Variants in NTM observed in about 807,000 individuals in gnomAD.
NTM encodes IgLON family member 2.
NTM carries 13 observed loss-of-function variants against 42.1 expected under a neutral mutation model. The ratio of observed to expected loss-of-function variants is 0.31; its 90% CI spans 0.20 to 0.49. The LOEUF is 0.49. Among genes scored for constraint, NTM ranks in the 20% least tolerant of loss-of-function variants. The probability of loss-of-function intolerance (pLI) is 0.99; values close to 1 mark genes in which losing one functional copy is unlikely to be tolerated. For synonymous variants in NTM, 187 were observed against 179.2 expected, an observed-to-expected ratio of 1.04 and a Z score of -0.35; for missense variants, 373 against 452.8, an observed-to-expected ratio of 0.82 and a Z score of 1.60.
chr11:132,151,027 A>C (rs2071781781), intron 3 of NTM, among the ~76,000 whole-genome samples: 1 of 152,164 alleles, frequency 6.6e-6, no homozygotes, highest in Non-Finnish European at 1.5e-5. Flanking sequence ...AAAATTTATT[A>C]ACATTTAGGT....
rs759055171 is a variant in NTM at position 132,191,034 on chromosome 11, A to G, written c.401-20988A>G. On this transcript the variant is annotated intron_variant, in intron 3 of 8. Coordinates refer to ENST00000683400, the MANE Select transcript of NTM (RefSeq NM_001352005.2). ...TGCAAACAGTAAAAACAGGAAGACC[A>G]CAGATGTAGTAAGAGTAGAATAGAC... Among the ~76,000 whole-genome samples, 71 of 152,298 alleles carry G rather than the reference A, an allele frequency of 4.7e-4. 1 individual carries two copies. The highest frequency in any genetic ancestry group is 3.1e-3 in the Admixed American group (47 of 15,290).
At chr11:131,619,862 T>C (rs2062345645) in intron 1 of NTM, among the ~76,000 whole-genome samples, 1 of 151,646 alleles carries the variant, frequency 6.6e-6, no homozygotes, top group African/African-American at 2.4e-5. Flanking sequence ...TGGAGTGCAG[T>C]AGCATGATCT....
intron 2 of NTM, among the ~76,000 whole-genome samples, chr11:131,938,952 T>C (rs2059515725): frequency 6.6e-6 from 1 of 152,092 alleles, no homozygotes; most frequent in African/African-American, 2.4e-5. Flanking sequence ...AGAGGACCCT[T>C]AGATACACTA....
At chr11:132,307,072 G>A (rs1388721642) in intron 4 of NTM, among the ~76,000 whole-genome samples, 1 of 152,152 alleles carries the variant, frequency 6.6e-6, no homozygotes, top group Non-Finnish European at 1.5e-5. Flanking sequence ...TCCCATTGCT[G>A]GTCTGTCTTT....
chr11:131,932,830 T>C (rs2058779648), intron 2 of NTM, among the ~76,000 whole-genome samples: 1 of 152,222 alleles, frequency 6.6e-6, no homozygotes, highest in African/African-American at 2.4e-5. Flanking sequence ...GGGGCATCTT[T>C]TAGGCCAAGG....
chr11:131,724,941 A>T (rs1439630646), intron 1 of NTM, among the ~76,000 whole-genome samples: 2 of 152,110 alleles, frequency 1.3e-5, no homozygotes, highest in Admixed American at 6.5e-5. Flanking sequence ...GAGTCAGGGG[A>T]GTGAGGGGCT....
At chr11:132,221,938 C>CT (rs1335575848) in intron 4 of NTM, among the ~76,000 whole-genome samples, 1 of 152,120 alleles carries the variant, frequency 6.6e-6, no homozygotes, top group Non-Finnish European at 1.5e-5. Context: ...TAGCCCACTG[C>CT]TTCATCTTGC....
At chr11:131,490,235 C>G (rs570119279) in intron 1 of NTM, among the ~76,000 whole-genome samples, 1 of 152,168 alleles carries the variant, frequency 6.6e-6, no homozygotes, top group African/African-American at 2.4e-5. Context: ...CAACATGAGG[C>G]GTGGTGGGGC....
intron 1 of NTM, among the ~76,000 whole-genome samples, chr11:131,510,664 C>T (rs1485750247): frequency 6.6e-6 from 1 of 152,204 alleles, no homozygotes; most frequent in African/African-American, 2.4e-5. Context: ...TTTATGACCA[C>T]TAGACGTTTA....
chr11:131,626,619 G>A (rs1222878202), intron 1 of NTM, among the ~76,000 whole-genome samples: 3 of 152,112 alleles, frequency 2.0e-5, no homozygotes, highest in Non-Finnish European at 4.4e-5. Context: ...GGACGTGATG[G>A]GCAAAAGGGG....
chr11:131,708,701 T>C (rs1334403414), intron 1 of NTM, among the ~76,000 whole-genome samples: 1 of 152,214 alleles, frequency 6.6e-6, no homozygotes, highest in African/African-American at 2.4e-5. Flanking sequence ...CATTTATTCA[T>C]GAAAAATATA....
chr11:131,476,585 G>C (rs1008747091), intron 1 of NTM, among the ~76,000 whole-genome samples: 1 of 152,180 alleles, frequency 6.6e-6, no homozygotes, highest in African/African-American at 2.4e-5. Flanking sequence ...CCTGTGATGA[G>C]AGGGGTTTAT....
chr11:131,431,795 A>G (rs2512649), intron 1 of NTM, among the ~76,000 whole-genome samples: 148,573 of 152,166 alleles, frequency 0.98, 72,556 homozygotes, highest in East Asian at 1. Flanking sequence ...TCCTAATGTC[A>G]CAGCCACTGG....
intron 1 of NTM, among the ~76,000 whole-genome samples, chr11:131,433,974 G>A (rs1460331604): frequency 1.3e-5 from 2 of 152,112 alleles, no homozygotes; most frequent in Non-Finnish European, 2.9e-5. Context: ...TAGGCACCGG[G>A]GTGGTAGGTT....
At position 132,213,429 on chromosome 11, in the gene NTM, C is replaced by G. The variant is rs145797310; in HGVS notation, c.526+1282C>G. Reference sequence around the variant, plus strand: ...GTCCAAATGTAGGCTGATCCCCAAACAGGTGTGACTGTGGGCCAGGCATCT... The same window carrying G: ...GTCCAAATGTAGGCTGATCCCCAAAGAGGTGTGACTGTGGGCCAGGCATCT... On this transcript the variant is annotated intron_variant, in intron 4 of 8. Coordinates refer to ENST00000683400, the MANE Select transcript of NTM (RefSeq NM_001352005.2). 3.4e-4 allele frequency among the ~76,000 whole-genome samples: 51 copies of G among 152,194 alleles called. 1 individual carries two copies. In the South Asian group the frequency reaches 7.3e-3, roughly 22 times the overall value.
intron 2 of NTM, among the ~76,000 whole-genome samples, chr11:132,045,868 A>G (rs950353531): frequency 1.3e-5 from 2 of 152,152 alleles, no homozygotes; most frequent in African/African-American, 4.8e-5. Flanking sequence ...AGCTTCTTCC[A>G]TCTCTGGAAA....
At chr11:131,607,313 C>T (rs748377329) in intron 1 of NTM, among the ~76,000 whole-genome samples, 1 of 152,176 alleles carries the variant, frequency 6.6e-6, no homozygotes, top group Non-Finnish European at 1.5e-5. Flanking sequence ...AATGGGGCCC[C>T]CATGCCTCTC....
chr11:131,901,431 T>C (rs1001598456), intron 1 of NTM, among the ~76,000 whole-genome samples: 1 of 152,232 alleles, frequency 6.6e-6, no homozygotes, highest in African/African-American at 2.4e-5. Flanking sequence ...TTGCAGCTCA[T>C]CCATGTGAGC....
At chr11:131,791,929 A>T (rs951291936) in intron 1 of NTM, among the ~76,000 whole-genome samples, 3 of 152,198 alleles carry the variant, frequency 2.0e-5, no homozygotes, top group Admixed American at 6.5e-5. Context: ...TGTCTATCCC[A>T]TAGGACTGTT....
Sources: allele counts gnomAD v4.1 joint callset (sites outside exome capture counted in the v4.1 genomes callset), GRCh38; gene constraint gnomAD v4.1.1; transcripts MANE v1.5; gene names NCBI Gene and HGNC (gene_info 2026-07-23, HGNC 2026-07-21).